The following LINGO1 variants were observed in gnomAD, a reference collection of about 807,000 sequenced individuals.
The protein encoded by LINGO1 is leucine-rich repeat and immunoglobulin-like domain-containing nogo receptor-interacting protein 1.
LINGO1 carries 11 observed loss-of-function variants against 37.3 expected under a neutral mutation model. The ratio of observed to expected loss-of-function variants is 0.29; its 90% CI spans 0.19 to 0.49. LINGO1 has a LOEUF of 0.49. Among genes scored for constraint, LINGO1 ranks in the 20% least tolerant of loss-of-function variants. The pLI is 0.99. For missense variants in LINGO1, 585 were observed against 878.2 expected (o/e 0.67, Z 4.22); for synonymous variants, 387 against 403.0 (o/e 0.96, Z 0.48).
intron 2 of LINGO1, among the ~76,000 whole-genome samples, chr15:77,712,003 GTTCT>G (rs2075924054): frequency 6.6e-6 from 1 of 152,122 alleles, no homozygotes; most frequent in East Asian, 1.9e-4. Flanking sequence ...ATCTACAGTG[GTTCT>G]GTCCCTGTGG....
At position 77,614,070 on chromosome 15, in the gene LINGO1, G is replaced by C; in HGVS notation, c.1837C>G (p.Arg613Gly). 2.5e-6 allele frequency: 4 copies of C among 1,604,606 alleles called. No individual in the cohort carries two copies. The highest frequency in any genetic ancestry group is 3.4e-6 in the Non-Finnish European group (4 of 1,175,344). The change falls in exon 2 of 2, where the codon CGC becomes GGC. Residue 613 changes from arginine (R) to glycine (G), a missense_variant. By Grantham distance (125) the Arg-to-Gly change is moderately radical (BLOSUM62 -2). Coordinates refer to ENST00000355300, the MANE Select transcript of LINGO1 (RefSeq NM_032808.7). ...CATATCATCTTCATGTTGAACTTGC[G>C]GGGCGCGTCGGCGGAGCTGATGCCT... Reference protein sequence around the residue: ...DAGISSADAPRKFNMKMI With the variant: ...DAGISSADAPGKFNMKMI
At chr15:77,693,628 G>C (rs2075642225) in intron 1 of LINGO1, among the ~76,000 whole-genome samples, 1 of 152,220 alleles carries the variant, frequency 6.6e-6, no homozygotes, top group Non-Finnish European at 1.5e-5. Flanking sequence ...GAGCTGCCAA[G>C]TGGAGATTGA....
At chr15:77,794,744 C>G (rs993407607) in intron 2 of LINGO1, among the ~76,000 whole-genome samples, 1 of 151,658 alleles carries the variant, frequency 6.6e-6, no homozygotes, top group Admixed American at 6.6e-5. Flanking sequence ...CCCGCCACCA[C>G]GCCCTGCTAA....
At chr15:77,738,803 G>GGAAGGAAA in intron 1 of LINGO1, among the ~76,000 whole-genome samples, 5 of 149,620 alleles carry the variant, frequency 3.3e-5, no homozygotes, top group African/African-American at 1.0e-4. Context: ...AAGGAAGGAA[G>GGAAGGAAA]GAAGGAAGGA....
intron 1 of LINGO1, chr15:77,695,907 G>A (rs12901113): frequency 6.8e-6 from 1 of 147,456 alleles, no homozygotes; most frequent in Non-Finnish European, 1.5e-5. Context: ...TTTCAAGAGA[G>A]AGAAACGGAG....
At chr15:77,694,921 C>CG (rs1231515334) in intron 1 of LINGO1, among the ~76,000 whole-genome samples, 1 of 152,106 alleles carries the variant, frequency 6.6e-6, no homozygotes, top group Non-Finnish European at 1.5e-5. Flanking sequence ...GGGGTCTCCC[C>CG]GGGGGGCCTG....
chr15:77,779,496 T>C (rs1212882523), intron 1 of LINGO1, among the ~76,000 whole-genome samples: 1 of 152,110 alleles, frequency 6.6e-6, no homozygotes, highest in Non-Finnish European at 1.5e-5. Flanking sequence ...TGCAACTAGA[T>C]TGTCCCATCT....
intron 3 of LINGO1, among the ~76,000 whole-genome samples, chr15:77,654,993 C>T (rs2074837823): frequency 6.6e-6 from 1 of 152,178 alleles, no homozygotes; most frequent in Non-Finnish European, 1.5e-5. Context: ...TCCCTAGACA[C>T]ACCCTAAAGG....
chr15:77,623,020 C>A (rs374557707), intron 1 of LINGO1, among the ~76,000 whole-genome samples: 11 of 152,134 alleles, frequency 7.2e-5, no homozygotes, highest in African/African-American at 2.2e-4. Context: ...CGAAGTGGGA[C>A]CGGGCCTGAT....
chr15:77,803,355 G>A (rs779120182), intron 1 of LINGO1, among the ~76,000 whole-genome samples: 9 of 152,104 alleles, frequency 5.9e-5, no homozygotes, highest in Admixed American at 6.5e-5. Flanking sequence ...GGCTGAGGTG[G>A]CAGGATCGCT....
intron 2 of LINGO1, among the ~76,000 whole-genome samples, chr15:77,726,728 A>T (rs532699006): frequency 2.5e-4 from 38 of 152,374 alleles, no homozygotes; most frequent in African/African-American, 8.7e-4. Flanking sequence ...AGGCAACAAA[A>T]GCAAAAATAG....
At chr15:77,805,977 C>G (rs562664417) in intron 1 of LINGO1, among the ~76,000 whole-genome samples, 3 of 152,346 alleles carry the variant, frequency 2.0e-5, no homozygotes, top group African/African-American at 7.2e-5. Context: ...GACCTCAGAG[C>G]TGTGACCCCG....
intron 1 of LINGO1, among the ~76,000 whole-genome samples, chr15:77,747,702 G>C (rs1484187734): frequency 6.6e-6 from 1 of 152,262 alleles, no homozygotes; most frequent in Non-Finnish European, 1.5e-5. Context: ...CCAATGCAGA[G>C]CCAGGCGGGC....
At chr15:77,818,951 A>T (rs1596258597) in intron 1 of LINGO1, among the ~76,000 whole-genome samples, 1 of 151,276 alleles carries the variant, frequency 6.6e-6, no homozygotes, top group African/African-American at 2.4e-5. Flanking sequence ...GCACCCTCAA[A>T]GCGCCTCCGT....
chr15:77,685,445 C>G (rs2075491173), intron 2 of LINGO1, among the ~76,000 whole-genome samples: 1 of 152,150 alleles, frequency 6.6e-6, no homozygotes, highest in Non-Finnish European at 1.5e-5. Context: ...GTGGACATGT[C>G]TGGGGTATGG....
intron 1 of LINGO1, among the ~76,000 whole-genome samples, chr15:77,750,079 C>T (rs986896626): frequency 1.3e-5 from 2 of 152,148 alleles, no homozygotes; most frequent in African/African-American, 4.8e-5. Flanking sequence ...CCCTCACCCA[C>T]CCCTGGGGCT....
At chr15:77,699,785 T>TA (rs2075759618), upstream of LINGO1, among the ~76,000 whole-genome samples, 1 of 21,960 alleles carries the variant, frequency 4.6e-5, no homozygotes, top group Non-Finnish European at 1.1e-4. Flanking sequence ...TCCCCCCCTC[T>TA]ACCTCCCTGG....
At chr15:77,775,680 C>T (rs2076630245) in intron 1 of LINGO1, among the ~76,000 whole-genome samples, 1 of 152,190 alleles carries the variant, frequency 6.6e-6, no homozygotes, top group Admixed American at 6.5e-5. Context: ...CCTCCCATGC[C>T]TGAGCCGAGG....
At chr15:77,698,680 C>T (rs1219595970), upstream of LINGO1, among the ~76,000 whole-genome samples, 2 of 152,114 alleles carry the variant, frequency 1.3e-5, no homozygotes, top group Non-Finnish European at 2.9e-5. Flanking sequence ...GAGGCACAGT[C>T]GCTGGGAGAG....
Sources: gnomAD v4.1 joint callset for allele counts (sites outside exome capture counted in the v4.1 genomes callset) on GRCh38, gnomAD v4.1.1 for gene constraint, MANE v1.5 for transcripts, NCBI Gene and HGNC (gene_info 2026-07-23, HGNC 2026-07-21) for gene names.